The following TBCCD1 variants were observed in gnomAD, a reference collection of about 807,000 sequenced individuals.
TBCCD1 encodes TBCC domain-containing protein 1.
Under a neutral mutation model 53.4 loss-of-function variants are expected in TBCCD1, and 26 were observed. The observed-to-expected ratio is 0.49, with a 90% CI of 0.36 to 0.68. The LOEUF is 0.68. Ranked by LOEUF, TBCCD1 falls within the 30% of genes least tolerant of loss-of-function variation. The pLI is 0.00. For synonymous variants in TBCCD1, 245 were observed against 241.7 expected, an observed-to-expected ratio of 1.01 and a Z score of -0.13; for missense variants, 558 against 669.5, an observed-to-expected ratio of 0.83 and a Z score of 1.84.
upstream of TBCCD1, among the ~76,000 whole-genome samples, chr3:186,568,831 A>C (rs375917060): frequency 4.0e-5 from 6 of 150,954 alleles, no homozygotes; most frequent in African/African-American, 1.5e-4. Flanking sequence ...TGAACCCAGG[A>C]GGCGGAGGTT....
At chr3:186,554,126 G>C in intron 6 of TBCCD1, 128 bp downstream of exon 6, 1 of 1,330,522 alleles carries the variant, frequency 7.5e-7, no homozygotes, top group African/African-American at 1.5e-5. Flanking sequence ...GGGATTATAG[G>C]CGTGAGCCAC....
At chr3:186,553,012 G>A (rs73057408) in intron 6 of TBCCD1, among the ~76,000 whole-genome samples, 3,593 of 152,266 alleles carry the variant, frequency 0.024, 137 homozygotes, top group African/African-American at 0.081. Flanking sequence ...GCCATTAGAG[G>A]GGTCAGAGCA....
In TBCCD1 at chr3:186,554,963, C is replaced by T. The variant is rs1428496480; in HGVS notation, c.981G>A (p.Leu327=). 2 of 1,613,912 alleles carry T rather than the reference C, an allele frequency of 1.2e-6. No individual in the cohort carries two copies. The highest frequency in any genetic ancestry group is 1.1e-5 in the South Asian group (1 of 91,070). ...GATGAATCTTTACATGTGCCCCCGC[C>T]AGAGTGTCTGAGCTCTTAGCCAGTG... is the stretch of plus-strand genomic sequence containing the variant. ...KQTLAKSSDT[L]AGAHVKIHRC... The change falls in exon 5 of 8, where the codon CTG becomes CTA. Residue 327 remains leucine, a synonymous_variant. Transcript: ENST00000338733.
intron 1 of TBCCD1, among the ~76,000 whole-genome samples, 197 bp from the exon 2 acceptor site, chr3:186,564,569 TAAAAC>T (rs574866752): frequency 7.2e-5 from 11 of 152,222 alleles, no homozygotes; most frequent in Non-Finnish European, 1.0e-4. Context: ...AAAATTGTGA[TAAAAC>T]AAAATTATCT....
At position 186,546,400 on chromosome 3, in the gene TBCCD1, A is replaced by G. The variant is rs553168364; in HGVS notation, c.*577T>C. 2.8e-4 allele frequency: 42 copies of G among 152,356 alleles called. No homozygotes were observed. The highest frequency in any genetic ancestry group is 9.6e-4 in the African/African-American group (40 of 41,586). The allele number at this position is 152,356 out of a possible 1,614,324, so 9.4% of individuals were successfully genotyped here. A position where few individuals can be genotyped will look rare whatever the true frequency, so the allele number is the denominator to read the frequency against. ...ACATACAATGGTACTACCTTCACCA[A>G]CTTTTTCATTTGGGCATCACAAAGA... On this transcript the variant is annotated 3_prime_UTR_variant, in exon 8 of 8. Coordinates refer to ENST00000338733, the MANE Select transcript of TBCCD1 (RefSeq NM_018138.5).
At chr3:186,567,092 G>A (rs1258111312) in intron 1 of TBCCD1, among the ~76,000 whole-genome samples, 175 bp downstream of exon 1, 1 of 152,232 alleles carries the variant, frequency 6.6e-6, no homozygotes, top group Non-Finnish European at 1.5e-5. Context: ...TCCGGGGTGG[G>A]ACTCTGCGTG....
chr3:186,561,259 C>T (rs2108462207), intron 2 of TBCCD1, among the ~76,000 whole-genome samples: 1 of 152,152 alleles, frequency 6.6e-6, no homozygotes, highest in South Asian at 2.1e-4. Context: ...ACCAAATAAC[C>T]TAATTAAAAA....
chr3:186,567,510 A>G (rs1714876289), upstream of TBCCD1: 1 of 152,192 alleles, frequency 6.6e-6, no homozygotes, highest in African/African-American at 2.4e-5. Context: ...AGCCAGACCC[A>G]CCGCTTTCTG....
At position 186,565,512 on chromosome 3, in the gene TBCCD1, T is replaced by C. The variant is rs114164740; in HGVS notation, c.-43-1140A>G. ...GTACTGTTTCAAAAGCTTTATAGTA[T>C]TCTAAATAAATGTATCCCATTTTAT... On this transcript the variant is annotated intron_variant, in intron 1 of 7. Coordinates refer to ENST00000338733, the MANE Select transcript of TBCCD1 (RefSeq NM_018138.5). Among the ~76,000 whole-genome samples, 822 of 152,338 alleles carry C rather than the reference T, an allele frequency of 5.4e-3. 8 individuals carry two copies. Among genetic ancestry groups the C allele is most frequent in the African/African-American group, 0.018 (762 of 41,580 alleles).
At chr3:186,569,781 T>A (rs1714957801), upstream of TBCCD1, among the ~76,000 whole-genome samples, 1 of 152,024 alleles carries the variant, frequency 6.6e-6, no homozygotes, top group African/African-American at 2.4e-5. Context: ...GTAATGGAGA[T>A]GTAGTGAACA....
intron 6 of TBCCD1, among the ~76,000 whole-genome samples, chr3:186,551,504 G>A (rs1714380058): frequency 1.3e-5 from 2 of 152,098 alleles, no homozygotes; most frequent in African/African-American, 4.8e-5. Flanking sequence ...TATTTACCAA[G>A]GACCAAGTGA....
chr3:186,551,382 T>A, intron 6 of TBCCD1, 103 bp from the exon 7 acceptor site: 1 of 1,157,268 alleles, frequency 8.6e-7, no homozygotes, highest in Non-Finnish European at 1.2e-6. Context: ...GTTAAATGAT[T>A]AATTATTTCT....
At chr3:186,557,794 C>T (rs1714582988) in intron 3 of TBCCD1, among the ~76,000 whole-genome samples, 1 of 152,108 alleles carries the variant, frequency 6.6e-6, no homozygotes, top group African/African-American at 2.4e-5. Flanking sequence ...TTCCAAATAG[C>T]AAAGAGATAT....
upstream of TBCCD1, among the ~76,000 whole-genome samples, chr3:186,568,836 GAGGTTGC>G (rs1714911885): frequency 6.6e-6 from 1 of 151,430 alleles, no homozygotes; most frequent in African/African-American, 2.4e-5. Context: ...CCAGGAGGCG[GAGGTTGC>G]AGTGAGCCAA....
chr3:186,554,668 T>C lies in TBCCD1; in HGVS notation c.1130A>G (p.Asn377Ser), dbSNP rs1378972823. ...GTTLHLHSCD[N>S]VKVIAVCHRL... ...ATGGCAAACAGCAATGACTTTAACATTGTCACAACTGTGGAGGTGAAGTGT... is the reference window on the plus strand; with the variant it reads ...ATGGCAAACAGCAATGACTTTAACACTGTCACAACTGTGGAGGTGAAGTGT... The change falls in exon 6 of 8, where the codon AAT becomes AGT. Residue 377 changes from asparagine to serine, a missense_variant. Asn to Ser is a conservative substitution (Grantham distance 46). Coordinates refer to ENST00000338733, the MANE Select transcript of TBCCD1 (RefSeq NM_018138.5). The C allele has an allele frequency of 1.9e-6, 3 of 1,614,194 alleles. No homozygotes were observed. Among genetic ancestry groups the C allele is most frequent in the Admixed American group, 1.7e-5 (1 of 60,028 alleles).
At position 186,554,985 on chromosome 3, in the gene TBCCD1, A is replaced by G; in HGVS notation, c.959T>C (p.Leu320Pro). ...CGCCAGAGTGTCTGAGCTCTTAGCCAGTGTCTGCTTGTAAACCTGGCTCAT... is the reference window on the plus strand; with the variant it reads ...CGCCAGAGTGTCTGAGCTCTTAGCCGGTGTCTGCTTGTAAACCTGGCTCAT... ...VVMSQVYKQT[L>P]AKSSDTLAGA... Residue 320 changes from leucine (L) to proline (P), a missense_variant, in exon 5 of 8, where the codon CTG (leucine) becomes CCG (proline). Physicochemically the swap from Leu to Pro is moderately conservative, Grantham distance 98 (BLOSUM62 -3). Coordinates refer to ENST00000338733, the MANE Select transcript of TBCCD1 (RefSeq NM_018138.5). The G allele has an allele frequency of 6.2e-7, 1 of 1,614,032 alleles. No homozygotes were observed. Among genetic ancestry groups the G allele is most frequent in the Non-Finnish European group, 8.5e-7 (1 of 1,180,026 alleles).
upstream of TBCCD1, among the ~76,000 whole-genome samples, chr3:186,569,377 G>A (rs56324474): frequency 0.098 from 14,873 of 151,512 alleles, 858 homozygotes; most frequent in African/African-American, 0.16. Flanking sequence ...GGAGTGCAGT[G>A]GCAGGAACTC....
chr3:186,568,682 CT>C (rs553070845), upstream of TBCCD1, among the ~76,000 whole-genome samples: 619 of 152,162 alleles, frequency 4.1e-3, 9 homozygotes, highest in African/African-American at 0.014. Flanking sequence ...GGGTGGATCA[CT>C]TGAGGTCAGG....
intron 4 of TBCCD1, among the ~76,000 whole-genome samples, chr3:186,555,309 C>A (rs1244456278): frequency 6.6e-6 from 1 of 152,034 alleles, no homozygotes; most frequent in African/African-American, 2.4e-5. Flanking sequence ...AATTTTAAAA[C>A]CTATAATGAA....
Sources: allele counts gnomAD v4.1 joint callset (sites outside exome capture counted in the v4.1 genomes callset), GRCh38; gene constraint gnomAD v4.1.1; transcripts MANE v1.5; gene names NCBI Gene and HGNC (gene_info 2026-07-23, HGNC 2026-07-21).